CACNG2: variants seen among roughly 807,000 people sequenced by gnomAD.
CACNG2 encodes the protein voltage-dependent calcium channel gamma-2 subunit.
A neutral mutation model predicts 25.9 loss-of-function variants in CACNG2; 3 were observed. The observed-to-expected ratio is 0.12, with a 90% CI of 0.05 to 0.30. The LOEUF is 0.30. CACNG2 is among the 10% of genes least tolerant of loss of function. The probability of loss-of-function intolerance (pLI) is 1.00; values close to 1 mark genes in which losing one functional copy is unlikely to be tolerated. For synonymous variants in CACNG2, 167 were observed against 173.3 expected (o/e 0.96, Z 0.29); for missense variants, 341 against 432.5 (o/e 0.79, Z 1.88).
At chr22:36,666,991 ATT>A (rs35100359) in intron 1 of CACNG2, among the ~76,000 whole-genome samples, 187 of 134,296 alleles carry the variant, frequency 1.4e-3, no homozygotes, top group African/African-American at 3.9e-3. Flanking sequence ...TGGGATCACC[ATT>A]TTTTTTTTTT....
chr22:36,654,403 T>C (rs1315889069), intron 1 of CACNG2, among the ~76,000 whole-genome samples: 1 of 152,024 alleles, frequency 6.6e-6, no homozygotes, highest in Non-Finnish European at 1.5e-5. Context: ...TTTATTAATT[T>C]TTTTTTTTGG....
At position 36,606,786 on chromosome 22, in the gene CACNG2, TTGTA is replaced by T. The variant is rs1213023007; in HGVS notation, c.212-19242_212-19239del. Among the ~76,000 whole-genome samples, 1 of 147,120 alleles carries T rather than the reference TTGTA, an allele frequency of 6.8e-6. No individual in the cohort carries two copies. The highest frequency in any genetic ancestry group is 1.5e-5 in the Non-Finnish European group (1 of 66,206). ...TGTGTGTGTGTGTGTGTGTATGTGT[TTGTA>T]TGTATGTGTGTGTGTATGTCTGTGT... On this transcript the variant is annotated intron_variant, in intron 1 of 3. Transcript: ENST00000300105. The surrounding 1 kb of genome is among the most constrained non-coding windows in gnomAD (Gnocchi z 5.7).
In CACNG2 at chr22:36,623,011, G is replaced by GAT. The variant is rs1569032646; in HGVS notation, c.212-35464_212-35463insAT. On this transcript the variant is annotated intron_variant, in intron 1 of 3. Transcript: ENST00000300105. ...TTTCTCATTCAGTCTTCAAAACATG[G>GAT]GTTTTTTTTTTTTTTTTTTTTTTTT... Among the ~76,000 whole-genome samples, 169 of 93,176 alleles carry GAT rather than the reference G, an allele frequency of 1.8e-3. 10 individuals carry two copies. The highest frequency in any genetic ancestry group is 5.3e-3 in the African/African-American group (120 of 22,750). The allele number at this position is 93,176 out of a possible 152,430, so 61.1% of individuals were successfully genotyped here. A position where few individuals can be genotyped will look rare whatever the true frequency, so the allele number is the denominator to read the frequency against.
chr22:36,572,358 A>G (rs796832628), intron 2 of CACNG2, among the ~76,000 whole-genome samples: 10 of 152,284 alleles, frequency 6.6e-5, no homozygotes, highest in African/African-American at 2.2e-4. Flanking sequence ...CTCAGTTGCA[A>G]TTTCTTAACT....
chr22:36,654,490 C>T (rs1936675474), intron 1 of CACNG2, among the ~76,000 whole-genome samples: 1 of 152,050 alleles, frequency 6.6e-6, no homozygotes, highest in African/African-American at 2.4e-5. Context: ...CCTTGGCCTC[C>T]AAAAGTGCTG....
At chr22:36,672,011 A>G (rs988953555) in intron 1 of CACNG2, among the ~76,000 whole-genome samples, 3 of 152,182 alleles carry the variant, frequency 2.0e-5, no homozygotes, top group Admixed American at 1.3e-4. Flanking sequence ...GAAAGGGAAG[A>G]AGAAACACAT....
intron 2 of CACNG2, among the ~76,000 whole-genome samples, chr22:36,578,801 A>G (rs1935366633): frequency 6.6e-6 from 1 of 152,146 alleles, no homozygotes; most frequent in South Asian, 2.1e-4. Context: ...TCACTTAGCA[A>G]ACCTCTCCTG....
At chr22:36,674,002 G>A (rs1235386639) in intron 1 of CACNG2, among the ~76,000 whole-genome samples, 1 of 152,210 alleles carries the variant, frequency 6.6e-6, no homozygotes, top group Non-Finnish European at 1.5e-5. Context: ...GCAATCGCTG[G>A]TGTGCCGCGG....
chr22:36,669,599 C>T (rs1936921959), intron 1 of CACNG2, among the ~76,000 whole-genome samples: 1 of 151,384 alleles, frequency 6.6e-6, no homozygotes, highest in South Asian at 2.1e-4. Flanking sequence ...TTTGGCTTCT[C>T]AGTGATTGTG....
intron 1 of CACNG2, among the ~76,000 whole-genome samples, chr22:36,676,597 C>T (rs1186012850): frequency 6.6e-6 from 1 of 152,244 alleles, no homozygotes; most frequent in Non-Finnish European, 1.5e-5. Context: ...CTCAAGTCCA[C>T]ACTACCTTCC....
At chr22:36,634,682 A>T (rs531736653) in intron 1 of CACNG2, among the ~76,000 whole-genome samples, 1 of 152,302 alleles carries the variant, frequency 6.6e-6, no homozygotes, top group South Asian at 2.1e-4. Flanking sequence ...CCTCTTGCTT[A>T]GTTAGTTATC....
At chr22:36,655,933 G>A (rs1374512889) in intron 1 of CACNG2, among the ~76,000 whole-genome samples, 1 of 151,552 alleles carries the variant, frequency 6.6e-6, no homozygotes. Flanking sequence ...TCAGCCTCCT[G>A]AGTAGCTGGG....
At chr22:36,594,854 G>T (rs931977548) in intron 1 of CACNG2, among the ~76,000 whole-genome samples, 13 of 151,142 alleles carry the variant, frequency 8.6e-5, no homozygotes, top group Middle Eastern at 3.4e-3. Context: ...GCATGTGTGT[G>T]TGTGTGCATG....
At chr22:36,626,167 G>A (rs916952997) in intron 1 of CACNG2, among the ~76,000 whole-genome samples, 2 of 152,252 alleles carry the variant, frequency 1.3e-5, no homozygotes, top group South Asian at 2.1e-4. Context: ...TGATCCACGC[G>A]CCTGGGCCTC....
At chr22:36,571,850 C>G (rs1485492746) in intron 2 of CACNG2, among the ~76,000 whole-genome samples, 3 of 147,112 alleles carry the variant, frequency 2.0e-5, no homozygotes, top group Non-Finnish European at 4.4e-5. Context: ...GCACTCCAGC[C>G]TGGGCGTCAC....
chr22:36,650,185 T>A (rs948994860), intron 1 of CACNG2, among the ~76,000 whole-genome samples: 1 of 152,158 alleles, frequency 6.6e-6, no homozygotes, highest in Admixed American at 6.5e-5. Context: ...TCAAGTTAGG[T>A]CACTTCTCTG....
rs13058221 is a variant in CACNG2, at chr22:36,606,609, G to C, written c.212-19061C>G. Among the ~76,000 whole-genome samples the C allele has an allele frequency of 2.6e-5, 4 of 152,220 alleles. No individual in the cohort carries two copies. Among genetic ancestry groups the C allele is most frequent in the South Asian group, 2.1e-4 (1 of 4,812 alleles). ...CTGGAAGAAGCACCATCTCGGATGA[G>C]CCGTGAAGGATAAGTAAAAATTGGC... On this transcript the variant is annotated intron_variant, in intron 1 of 3. Transcript: ENST00000300105. The surrounding 1 kb of genome is among the most constrained non-coding windows in gnomAD (Gnocchi z 5.7).
chr22:36,587,683 G>A (rs1056756561), intron 1 of CACNG2, 135 bp from the exon 2 acceptor site: 14 of 751,952 alleles, frequency 1.9e-5, no homozygotes, highest in South Asian at 5.6e-5. Context: ...GGAAGGTTTC[G>A]CTTTGTCCGT....
intron 1 of CACNG2, among the ~76,000 whole-genome samples, chr22:36,588,792 G>C (rs1046585026): frequency 4.6e-5 from 7 of 152,292 alleles, no homozygotes; most frequent in Admixed American, 1.3e-4. Flanking sequence ...GGGCATTGAC[G>C]TGAGACAGAA....
Sources: allele counts gnomAD v4.1 joint callset (sites outside exome capture counted in the v4.1 genomes callset), GRCh38; gene constraint gnomAD v4.1.1; non-coding constraint Gnocchi (gnomAD v3.1); transcripts MANE v1.5; gene names NCBI Gene and HGNC (gene_info 2026-07-23, HGNC 2026-07-21).